Variants in PRR16 observed in about 807,000 individuals in gnomAD.
PRR16 encodes the protein protein Largen.
In PRR16, 6 loss-of-function variants were observed where a neutral mutation model predicts 18.2. The ratio of observed to expected loss-of-function variants is 0.33; its 90% CI spans 0.18 to 0.65. The LOEUF (loss-of-function observed/expected upper bound fraction) is 0.65. PRR16 is among the 30% of genes least tolerant of loss of function. The probability of loss-of-function intolerance (pLI) is 0.74; values close to 1 mark genes in which losing one functional copy is unlikely to be tolerated. For missense variants in PRR16, 412 were observed against 376.6 expected, an observed-to-expected ratio of 1.09 and a Z score of -0.78; for synonymous variants, 151 against 147.8, an observed-to-expected ratio of 1.02 and a Z score of -0.16.
chr5:120,658,981 C>G (rs1225918772), intron 1 of PRR16, among the ~76,000 whole-genome samples: 1 of 151,766 alleles, frequency 6.6e-6, no homozygotes, highest in Admixed American at 6.6e-5. Flanking sequence ...AGGGTTCTTT[C>G]AGCAGTTCAG....
chr5:120,504,934 G>T (rs1750591165), intron 1 of PRR16, among the ~76,000 whole-genome samples: 1 of 152,098 alleles, frequency 6.6e-6, no homozygotes, highest in East Asian at 1.9e-4. Context: ...AGAAACTCAT[G>T]GGAACAGGAG....
At chr5:120,541,356 G>A (rs1404444590) in intron 1 of PRR16, among the ~76,000 whole-genome samples, 1 of 152,158 alleles carries the variant, frequency 6.6e-6, no homozygotes, top group Non-Finnish European at 1.5e-5. Flanking sequence ...ATGTTGGCCA[G>A]GCTGGTCTCA....
chr5:120,754,416 T>TATACTAC, the PRR16 span, among the ~76,000 whole-genome samples: 1 of 100,880 alleles, frequency 9.9e-6, no homozygotes, highest in African/African-American at 4.1e-5. Flanking sequence ...CTATATACTA[T>TATACTAC]ATATTATATA....
chr5:120,555,604 G>A (rs989105402), intron 1 of PRR16, among the ~76,000 whole-genome samples: 1 of 151,840 alleles, frequency 6.6e-6, no homozygotes, highest in African/African-American at 2.4e-5. Flanking sequence ...GGAGGGGGCC[G>A]TATCACATGA....
the PRR16 span, among the ~76,000 whole-genome samples, chr5:120,775,023 A>G: frequency 6.6e-6 from 1 of 152,154 alleles, no homozygotes; most frequent in South Asian, 2.1e-4. Flanking sequence ...TTTTCCGCAC[A>G]TACTCTAACC....
intron 1 of PRR16, among the ~76,000 whole-genome samples, chr5:120,562,604 G>C (rs1169258001): frequency 6.6e-6 from 1 of 151,668 alleles, no homozygotes; most frequent in Non-Finnish European, 1.5e-5. Flanking sequence ...TTTCTCTGGT[G>C]GTATGTTTTA....
At chr5:120,647,418 A>G (rs1755637611) in intron 1 of PRR16, among the ~76,000 whole-genome samples, 1 of 151,998 alleles carries the variant, frequency 6.6e-6, no homozygotes. Context: ...TTTCATAAAT[A>G]GTCTGTATGT....
intron 1 of PRR16, among the ~76,000 whole-genome samples, chr5:120,556,233 G>GGTT (rs1554082921): frequency 8.2e-6 from 1 of 121,760 alleles, no homozygotes; most frequent in African/African-American, 3.1e-5. Flanking sequence ...CAATTTCATT[G>GGTT]TTTTTTTTTT....
intron 1 of PRR16, among the ~76,000 whole-genome samples, chr5:120,499,714 C>T (rs763084313): frequency 6.7e-6 from 1 of 150,182 alleles, no homozygotes; most frequent in Non-Finnish European, 1.5e-5. Flanking sequence ...GTGACAGCTG[C>T]TTTAAAACCT....
chr5:120,733,249 C>G, the PRR16 span, among the ~76,000 whole-genome samples: 1 of 152,000 alleles, frequency 6.6e-6, no homozygotes, highest in Non-Finnish European at 1.5e-5. Context: ...GGCTCAAGCT[C>G]AAGTGATCCT....
At chr5:120,694,363 T>C in the PRR16 span, among the ~76,000 whole-genome samples, 1 of 152,180 alleles carries the variant, frequency 6.6e-6, no homozygotes, top group Non-Finnish European at 1.5e-5. Context: ...GATTACATTT[T>C]GTGAATTAGA....
the PRR16 span, among the ~76,000 whole-genome samples, chr5:120,729,308 T>G: frequency 6.6e-6 from 1 of 152,144 alleles, no homozygotes; most frequent in Non-Finnish European, 1.5e-5. Context: ...TCTCCAGCTG[T>G]GTGGCCATAG....
At chr5:120,630,804 A>G (rs1371496444) in intron 1 of PRR16, among the ~76,000 whole-genome samples, 1 of 152,164 alleles carries the variant, frequency 6.6e-6, no homozygotes, top group Non-Finnish European at 1.5e-5. Flanking sequence ...ACAAAGGTTT[A>G]TTTCCACACC....
intron 1 of PRR16, among the ~76,000 whole-genome samples, chr5:120,556,797 C>G (rs994025517): frequency 6.6e-6 from 1 of 151,892 alleles, no homozygotes; most frequent in Non-Finnish European, 1.5e-5. Context: ...AATCCTCAAC[C>G]AGCTCTCTTC....
intron 1 of PRR16, among the ~76,000 whole-genome samples, chr5:120,679,919 T>C (rs1279229179): frequency 1.1e-4 from 16 of 152,204 alleles, no homozygotes; most frequent in Non-Finnish European, 2.9e-5. Context: ...ATTGAAAGAT[T>C]TAATGTACAA....
chr5:120,519,439 G>C (rs1014186400), intron 1 of PRR16, among the ~76,000 whole-genome samples: 6 of 152,206 alleles, frequency 3.9e-5, no homozygotes, highest in Admixed American at 3.3e-4. Context: ...TTATATGATA[G>C]GCATTGAGTG....
chr5:120,727,424 T>G, the PRR16 span, among the ~76,000 whole-genome samples: 1 of 152,078 alleles, frequency 6.6e-6, no homozygotes, highest in Non-Finnish European at 1.5e-5. Flanking sequence ...ATGGGTATCC[T>G]GAAGGCAATG....
At chr5:120,793,534 T>TGTGCAAAGAGAAAAAAGAGAGTA in the PRR16 span, among the ~76,000 whole-genome samples, 1 of 151,844 alleles carries the variant, frequency 6.6e-6, no homozygotes, top group East Asian at 1.9e-4. Context: ...AATCTAGAGT[T>TGTGCAAAGAGAAAAAAGAGAGTA]GTGCAAAGAG....
intron 1 of PRR16, among the ~76,000 whole-genome samples, chr5:120,467,502 G>A (rs1041645696): frequency 2.0e-5 from 3 of 151,826 alleles, no homozygotes; most frequent in Non-Finnish European, 4.4e-5. Context: ...TTAAACTTTG[G>A]TTTGAGGTTA....
Sources: allele counts gnomAD v4.1 joint callset (sites outside exome capture counted in the v4.1 genomes callset), GRCh38; gene constraint gnomAD v4.1.1; transcripts MANE v1.5; gene names NCBI Gene and HGNC (gene_info 2026-07-23, HGNC 2026-07-21).